PRKACB: variants seen among roughly 807,000 people sequenced by gnomAD.
PRKACB encodes the protein cAMP-dependent protein kinase catalytic subunit beta.
PRKACB carries 16 observed loss-of-function variants against 51.4 expected under a neutral mutation model. That is an observed-to-expected ratio of 0.31 (90% confidence interval 0.21 to 0.47). The LOEUF (loss-of-function observed/expected upper bound fraction) is 0.47. PRKACB is among the 20% of genes least tolerant of loss of function. The pLI is 1.00. For missense variants in PRKACB, 309 were observed against 464.5 expected, an observed-to-expected ratio of 0.67 and a Z score of 3.08; for synonymous variants, 147 against 154.4, an observed-to-expected ratio of 0.95 and a Z score of 0.35.
chr1:84,214,029 G>GTCA (rs1438230571), intron 8 of PRKACB, 124 bp from the exon 9 acceptor site: 1 of 951,272 alleles, frequency 1.1e-6, no homozygotes, highest in Non-Finnish European at 1.5e-6. Context: ...GTATGTGAAG[G>GTCA]TCATCGCTCC....
At chr1:84,156,208 C>T (rs1382529556) in intron 1 of PRKACB, among the ~76,000 whole-genome samples, 2 of 151,976 alleles carry the variant, frequency 1.3e-5, no homozygotes, top group East Asian at 3.9e-4. Context: ...GTTGCCCGGG[C>T]TGTTCTTGAA....
At chr1:84,135,900 AAAT>A (rs1375069524) in intron 1 of PRKACB, among the ~76,000 whole-genome samples, 1 of 152,086 alleles carries the variant, frequency 6.6e-6, no homozygotes, top group African/African-American at 2.4e-5. Flanking sequence ...AAAAGAAAAG[AAAT>A]AATAAAAATT....
chr1:84,164,637 C>T (rs1352467005), intron 1 of PRKACB: 2 of 1,390,436 alleles, frequency 1.4e-6, no homozygotes, highest in African/African-American at 2.9e-5. Flanking sequence ...GTGGTAACAA[C>T]TCATGCTGAT....
At chr1:84,150,577 T>C (rs1264865242) in intron 1 of PRKACB, among the ~76,000 whole-genome samples, 1 of 152,096 alleles carries the variant, frequency 6.6e-6, no homozygotes, top group Non-Finnish European at 1.5e-5. Flanking sequence ...GTTCTTGCTT[T>C]ATTAGTTCAT....
intron 5 of PRKACB, among the ~76,000 whole-genome samples, chr1:84,186,205 T>C (rs1222155606): frequency 3.4e-5 from 3 of 88,154 alleles, no homozygotes; most frequent in African/African-American, 8.6e-5. Context: ...GTGGAAAATA[T>C]AATTTTTTTG....
intron 9 of PRKACB, among the ~76,000 whole-genome samples, chr1:84,223,375 T>G (rs112664758): frequency 0.035 from 2,166 of 62,734 alleles, 64 homozygotes; most frequent in African/African-American, 0.092. Context: ...TTTTTGTTTT[T>G]TTGTTTTTTT....
At chr1:84,121,743 ATC>A (rs1299054389) in intron 1 of PRKACB, among the ~76,000 whole-genome samples, 2 of 152,104 alleles carry the variant, frequency 1.3e-5, no homozygotes, top group Non-Finnish European at 2.9e-5. Context: ...CTGAAATTTA[ATC>A]TCTGTTAGCT....
chr1:84,179,470 A>G (rs1662478842), intron 2 of PRKACB, among the ~76,000 whole-genome samples: 1 of 151,930 alleles, frequency 6.6e-6, no homozygotes, highest in African/African-American at 2.4e-5. Context: ...TATAAATTTG[A>G]TACTGATTCC....
chr1:84,191,309 T>A (rs1271562436), intron 5 of PRKACB, among the ~76,000 whole-genome samples: 1 of 152,106 alleles, frequency 6.6e-6, no homozygotes, highest in African/African-American at 2.4e-5. Flanking sequence ...TATTAAATTC[T>A]TAGATGGAAT....
chr1:84,117,469 C>T (rs989020920), intron 1 of PRKACB, among the ~76,000 whole-genome samples: 10 of 152,114 alleles, frequency 6.6e-5, no homozygotes, highest in Non-Finnish European at 2.9e-5. Context: ...ATTACTGATT[C>T]AATCTCTCTG....
intron 8 of PRKACB, among the ~76,000 whole-genome samples, chr1:84,213,277 G>A (rs1004797738): frequency 2.6e-5 from 4 of 152,046 alleles, no homozygotes; most frequent in Non-Finnish European, 5.9e-5. Flanking sequence ...GAATAAGGAG[G>A]CATAGATGCA....
At chr1:84,201,617 C>T (rs1308999305) in intron 7 of PRKACB, among the ~76,000 whole-genome samples, 4 of 151,918 alleles carry the variant, frequency 2.6e-5, no homozygotes, top group African/African-American at 9.7e-5. Context: ...ATCTCTATAG[C>T]GCTAAAGTAT....
At chr1:84,119,798 T>G (rs971531063) in intron 1 of PRKACB, among the ~76,000 whole-genome samples, 3 of 152,134 alleles carry the variant, frequency 2.0e-5, no homozygotes, top group African/African-American at 7.2e-5. Flanking sequence ...CTATAGTCCT[T>G]GTTCTGTTTG....
At chr1:84,199,222 G>A (rs184546737) in intron 7 of PRKACB, among the ~76,000 whole-genome samples, 3 of 151,264 alleles carry the variant, frequency 2.0e-5, no homozygotes, top group Admixed American at 1.3e-4. Context: ...ATGTCATGGG[G>A]GTTTGTTATA....
intron 1 of PRKACB, among the ~76,000 whole-genome samples, chr1:84,158,341 A>G (rs1020902549): frequency 2.6e-5 from 4 of 152,114 alleles, no homozygotes; most frequent in African/African-American, 9.7e-5. Context: ...CCGTCTTATC[A>G]GTCATTTTGA....
chr1:84,199,114 T>G (rs575218531), intron 7 of PRKACB, among the ~76,000 whole-genome samples: 1 of 133,432 alleles, frequency 7.5e-6, no homozygotes, highest in African/African-American at 3.0e-5. Flanking sequence ...TGTATATATA[T>G]GCATATATAT....
At chr1:84,106,005 A>AC (rs34920133) in intron 1 of PRKACB, among the ~76,000 whole-genome samples, 1 of 151,840 alleles carries the variant, frequency 6.6e-6, no homozygotes, top group Non-Finnish European at 1.5e-5. Context: ...AGAAATAATA[A>AC]TAACTATTTA....
At position 84,235,392 on chromosome 1, in the gene PRKACB, C is replaced by T. The variant is rs1000629715; in HGVS notation, c.*87C>T. On this transcript the variant is annotated 3_prime_UTR_variant, in exon 10 of 10. Coordinates refer to ENST00000370685, the MANE Select transcript of PRKACB (RefSeq NM_182948.4). The stretch of plus-strand genomic sequence containing the variant: ...AGAGCTGAGACCGTCCTTGTTGAAG[C>T]AGTTACCTAGTTCCTTCATTCCAAC... 2.6e-6 allele frequency: 4 copies of T among 1,547,176 alleles called. No individual in the cohort carries two copies. In the African/African-American group the frequency reaches 4.1e-5, roughly 16 times the overall value.
At chr1:84,197,688 A>C in intron 6 of PRKACB, 41 bp from the exon 7 acceptor site, 1 of 1,311,708 alleles carries the variant, frequency 7.6e-7, no homozygotes, top group East Asian at 2.4e-5. Flanking sequence ...ATTTATTGTG[A>C]GGTAATACAT....
Sources: gnomAD v4.1 joint callset for allele counts (sites outside exome capture counted in the v4.1 genomes callset) on GRCh38, gnomAD v4.1.1 for gene constraint, MANE v1.5 for transcripts, NCBI Gene and HGNC (gene_info 2026-07-23, HGNC 2026-07-21) for gene names.